Variants in SLC7A9 observed in about 807,000 individuals in gnomAD.
SLC7A9 encodes B(0,+)-type amino acid transporter 1.
SLC7A9 carries 38 observed loss-of-function variants against 54.1 expected under a neutral mutation model. The ratio of observed to expected loss-of-function variants is 0.70; its 90% CI spans 0.54 to 0.92. SLC7A9 has a LOEUF of 0.92. Among genes scored for constraint, SLC7A9 ranks in the 40% least tolerant of loss-of-function variants. The pLI, the probability that SLC7A9 is intolerant of heterozygous loss-of-function variation, is 0.00. For synonymous variants in SLC7A9, 264 were observed against 258.9 expected (o/e 1.02, Z -0.19); for missense variants, 537 against 636.1 (o/e 0.84, Z 1.68).
At chr19:32,831,577 C>T (rs760416521) in intron 12 of SLC7A9, among the ~76,000 whole-genome samples, 6 of 152,188 alleles carry the variant, frequency 3.9e-5, no homozygotes, top group African/African-American at 7.2e-5. Flanking sequence ...CATGAGCCAC[C>T]GTGCCCGGCC....
At position 32,853,575 on chromosome 19, in the gene SLC7A9, A is replaced by C. The variant is rs1968529989; in HGVS notation, c.977+4865T>G. 2.0e-5 allele frequency among the ~76,000 whole-genome samples: 3 copies of C among 152,114 alleles called. No homozygotes were observed. In the South Asian group the frequency reaches 6.2e-4, roughly 32 times the overall value. On this transcript the variant is annotated intron_variant, in intron 9 of 12. Coordinates refer to ENST00000023064, the MANE Select transcript of SLC7A9 (RefSeq NM_014270.5). ...AAATTCTTTGGAATAAATTTGACAA[A>C]AGATGTGCAAGAACTATATACCAAA...
Position 32,833,207 on chromosome 19 carries a change from G to T in SLC7A9, c.1341C>A (p.Gly447=), listed in dbSNP as rs780783383. 2.5e-6 allele frequency: 4 copies of T among 1,614,060 alleles called. No individual in the cohort carries two copies. Among genetic ancestry groups the T allele is most frequent in the African/African-American group, 1.3e-5 (1 of 74,932 alleles). The change falls in exon 12 of 13, where the codon GGC becomes GGA. Residue 447 remains glycine, a synonymous_variant. Transcript: ENST00000023064. ...YLYCVLFILS[G]LLFYFLFVHY... ...GGACAAACAGGAAGTAAAATAAAAG[G>T]CCGCTTAATATAAACAGCACACAGT...
intron 6 of SLC7A9, among the ~76,000 whole-genome samples, chr19:32,861,651 C>T (rs967148803): frequency 1.3e-5 from 2 of 151,942 alleles, no homozygotes; most frequent in African/African-American, 2.4e-5. Context: ...CTCTACAAAG[C>T]ATAAAAATAA....
At chr19:32,847,154 C>T (rs1363008925) in intron 9 of SLC7A9, among the ~76,000 whole-genome samples, 3 of 152,220 alleles carry the variant, frequency 2.0e-5, no homozygotes, top group African/African-American at 4.8e-5. Context: ...GAATGCAGCT[C>T]CCTCACCAGC....
intron 12 of SLC7A9, among the ~76,000 whole-genome samples, chr19:32,831,833 G>C (rs1967804714): frequency 6.6e-6 from 1 of 152,242 alleles, no homozygotes; most frequent in South Asian, 2.1e-4. Flanking sequence ...ATGCTGCTAG[G>C]CCTCTTAGAT....
intron 12 of SLC7A9, 55 bp downstream of exon 12, chr19:32,833,094 C>T (rs1017821484): frequency 4.6e-5 from 71 of 1,543,968 alleles, no homozygotes; most frequent in Middle Eastern, 2.0e-4. Flanking sequence ...CAGGTGAGGA[C>T]GCCGTGCCTG....
At chr19:32,855,514 A>G (rs530648938) in intron 9 of SLC7A9, among the ~76,000 whole-genome samples, 10 of 152,244 alleles carry the variant, frequency 6.6e-5, no homozygotes, top group African/African-American at 2.4e-4. Flanking sequence ...CCTGGCAAAC[A>G]CGGTGAAACC....
At chr19:32,860,058 C>T (rs771680391) in intron 7 of SLC7A9, 94 bp from the exon 8 acceptor site, 39 of 1,607,200 alleles carry the variant, frequency 2.4e-5, no homozygotes, top group African/African-American at 5.4e-5. Flanking sequence ...GGAGAAGATT[C>T]GCAGGTAGCA....
intron 11 of SLC7A9, among the ~76,000 whole-genome samples, chr19:32,838,542 GTATA>G (rs958297456): frequency 6.9e-6 from 1 of 145,292 alleles, no homozygotes; most frequent in Non-Finnish European, 1.5e-5. Flanking sequence ...TATATTTGTT[GTATA>G]TATGTTATAT....
chr19:32,862,503 C>T lies in SLC7A9; in HGVS notation c.562G>A (p.Val188Met), dbSNP rs531029519. 25 of 1,613,540 alleles carry T rather than the reference C, an allele frequency of 1.5e-5. 1 individual carries two copies. Among genetic ancestry groups the T allele is most frequent in the Admixed American group, 6.7e-5 (4 of 59,994 alleles). The change falls in exon 5 of 13, where the codon GTG becomes ATG. Residue 188 changes from valine to methionine, a missense_variant. Val to Met is a conservative substitution (Grantham distance 21). Transcript: ENST00000023064. Reference sequence around the variant, plus strand: ...AGCCCGCTGATGATGATGATGGCCACGATCACCAGCTTGGCCGCGGTGAAG... The same window carrying T: ...AGCCCGCTGATGATGATGATGGCCATGATCACCAGCTTGGCCGCGGTGAAG... ...NIFTAAKLVI[V>M]AIIIISGLVL... is the part of the protein sequence containing the mutation.
chr19:32,862,075 AC>A (rs752451744), intron 6 of SLC7A9, 42 bp downstream of exon 6: 3 of 1,333,870 alleles, frequency 2.2e-6, no homozygotes, highest in Non-Finnish European at 3.2e-6. Flanking sequence ...CACCTGGAGA[AC>A]CCCACCCACC....
At position 32,835,762 on chromosome 19, in the gene SLC7A9, C is replaced by G. The variant is rs78931855; in HGVS notation, c.1225-2439G>C. Among the ~76,000 whole-genome samples the G allele has an allele frequency of 5.8e-3, 883 of 151,912 alleles. 10 individuals are homozygous for G. The highest frequency in any genetic ancestry group is 0.02 in the African/African-American group (832 of 41,414). ...TTCTTTATCTTGCTTTTGGAGTTGT[C>G]TATTTAATTTGTTTTCATTTTTATT... On this transcript the variant is annotated intron_variant, in intron 11 of 12. Coordinates refer to ENST00000023064, the MANE Select transcript of SLC7A9 (RefSeq NM_014270.5).
chr19:32,868,379 G>C, intron 2 of SLC7A9, 69 bp downstream of exon 2: 1 of 1,171,732 alleles, frequency 8.5e-7, no homozygotes, highest in South Asian at 1.2e-5. Context: ...GGATTTCACT[G>C]CCTGCGCCCC....
At chr19:32,835,169 T>A (rs1039167939) in intron 11 of SLC7A9, among the ~76,000 whole-genome samples, 1 of 152,238 alleles carries the variant, frequency 6.6e-6, no homozygotes, top group Non-Finnish European at 1.5e-5. Context: ...TGATATATTA[T>A]CTTTTTAGTG....
chr19:32,837,699 G>A (rs886755994), intron 11 of SLC7A9, among the ~76,000 whole-genome samples: 40 of 152,070 alleles, frequency 2.6e-4, no homozygotes, highest in Non-Finnish European at 4.4e-5. Context: ...GACGTGAGAC[G>A]CTTACACCTC....
At position 32,842,173 on chromosome 19, in the gene SLC7A9, T is replaced by G. The variant is rs769157044; in HGVS notation, c.1219A>C (p.Ile407Leu). 6.2e-7 allele frequency: 1 copy of G among 1,614,216 alleles called. No homozygotes were observed. The highest frequency in any genetic ancestry group is 8.5e-7 in the Non-Finnish European group (1 of 1,180,030). ...RFTRKELERP[I>L]KVPVVIPVLM... ...CTCTGGGGCTGCAAGCTTACCTTGA[T>G]AGGCCTTTCCAGCTCTTTCCTTGTA... The change falls in exon 11 of 13, where the codon ATC (isoleucine) becomes CTC (leucine). Residue 407 changes from isoleucine to leucine, a missense_variant. Transcript: ENST00000023064.
intron 10 of SLC7A9, among the ~76,000 whole-genome samples, chr19:32,843,049 C>T (rs1207470414): frequency 1.3e-5 from 2 of 151,992 alleles, no homozygotes; most frequent in Admixed American, 6.6e-5. Context: ...TGGTTCTCCT[C>T]TGGGGGAAGG....
At chr19:32,848,451 G>A (rs1383036749) in intron 9 of SLC7A9, among the ~76,000 whole-genome samples, 3 of 142,246 alleles carry the variant, frequency 2.1e-5, no homozygotes, top group African/African-American at 8.2e-5. Flanking sequence ...ATTACATAAT[G>A]GTAAAGGGAT....
rs1197895803 is a variant in SLC7A9 at position 32,862,667 on chromosome 19, T to G, written c.479-81A>C. 2.3e-6 allele frequency: 3 copies of G among 1,286,298 alleles called. No individual in the cohort carries two copies. In the East Asian group the frequency reaches 8.6e-5, roughly 37 times the overall value. The allele number at this position is 1,286,298 out of a possible 1,614,324, so 79.7% of individuals were successfully genotyped here. ...AGTCTCCTTTCTTTTATATATTTTTTATTTTTTTTTTTTTTTGAGATGGAG... is the reference window on the plus strand; with the variant it reads ...AGTCTCCTTTCTTTTATATATTTTTGATTTTTTTTTTTTTTTGAGATGGAG... On this transcript the variant is annotated intron_variant, in intron 4 of 12. Coordinates refer to ENST00000023064, the MANE Select transcript of SLC7A9 (RefSeq NM_014270.5).
Sources: allele counts gnomAD v4.1 joint callset (sites outside exome capture counted in the v4.1 genomes callset), GRCh38; gene constraint gnomAD v4.1.1; transcripts MANE v1.5; gene names NCBI Gene and HGNC (gene_info 2026-07-23, HGNC 2026-07-21).